The following ZNF385D variants were observed in gnomAD, a reference collection of about 807,000 sequenced individuals.
ZNF385D encodes zinc finger protein 659.
Under a neutral mutation model 35.8 loss-of-function variants are expected in ZNF385D, and 15 were observed. That is an observed-to-expected ratio of 0.42 (90% CI 0.28 to 0.64). ZNF385D has a LOEUF of 0.64. Among genes scored for constraint, ZNF385D ranks in the 30% least tolerant of loss-of-function variants. ZNF385D has a pLI of 0.23. For missense variants in ZNF385D, 474 were observed against 494.6 expected (o/e 0.96, Z 0.39); for synonymous variants, 212 against 186.8 (o/e 1.13, Z -1.10).
intron 3 of ZNF385D, among the ~76,000 whole-genome samples, chr3:21,934,663 AC>A: frequency 6.6e-6 from 1 of 152,324 alleles, no homozygotes; most frequent in Admixed American, 6.5e-5. Flanking sequence ...TGATAATGCA[AC>A]AAGAGGGACT....
chr3:21,683,638 T>G (rs1300824624), intron 1 of ZNF385D, among the ~76,000 whole-genome samples: 4 of 149,374 alleles, frequency 2.7e-5, no homozygotes, highest in African/African-American at 9.9e-5. Flanking sequence ...AGATTGTTCA[T>G]GTGGGTGTGA....
chr3:22,071,610 T>C (rs1415907170), intron 3 of ZNF385D, among the ~76,000 whole-genome samples: 1 of 152,138 alleles, frequency 6.6e-6, no homozygotes, highest in Non-Finnish European at 1.5e-5. Flanking sequence ...GAATAAAAAT[T>C]ATATGATGGG....
intron 5 of ZNF385D, among the ~76,000 whole-genome samples, chr3:21,426,092 G>A (rs1701010875): frequency 6.6e-6 from 1 of 152,136 alleles, no homozygotes; most frequent in African/African-American, 2.4e-5. Flanking sequence ...AGCTGGAGGT[G>A]ATGTGTAACA....
intron 4 of ZNF385D, among the ~76,000 whole-genome samples, chr3:21,442,672 T>A (rs1008800269): frequency 9.2e-5 from 14 of 151,666 alleles, no homozygotes; most frequent in Admixed American, 1.3e-4. Context: ...GTGGGCTTTT[T>A]TTTTTTTCTT....
At chr3:21,976,220 C>T (rs1255944376) in intron 3 of ZNF385D, among the ~76,000 whole-genome samples, 1 of 152,080 alleles carries the variant, frequency 6.6e-6, no homozygotes, top group Non-Finnish European at 1.5e-5. Context: ...ATTTCTCATT[C>T]AGAAGACTGG....
In ZNF385D at chr3:22,008,360, C is replaced by CATTTTTTTTTTTTTTTTTTTTTTTTTTTT. The variant is rs773952386; in HGVS notation, c.325+160456_325+160457insAAAAAAAAAAAAAAAAAAAAAAAAAAAAT. On this transcript the variant is annotated intron_variant, in intron 3 of 5. Coordinates refer to the ZNF385D transcript ENST00000494108. Reference sequence around the variant, plus strand: ...TCACTTTCATACAGGCCATGATTTTCTTTTTTTTTTTTGAGGCGGAGTCTC... The same window carrying CATTTTTTTTTTTTTTTTTTTTTTTTTTTT: ...TCACTTTCATACAGGCCATGATTTTCATTTTTTTTTTTTTTTTTTTTTTTTTTTTTTTTTTTTTTTTGAGGCGGAGTCTC... Among the ~76,000 whole-genome samples the CATTTTTTTTTTTTTTTTTTTTTTTTTTTT allele has an allele frequency of 1.5e-5, 2 of 131,938 alleles. 1 individual carries two copies. The allele number at this position is 131,938 out of a possible 152,430, so 86.6% of individuals were successfully genotyped here.
chr3:22,075,925 A>AT (rs1700441973), intron 3 of ZNF385D, among the ~76,000 whole-genome samples: 1 of 151,798 alleles, frequency 6.6e-6, no homozygotes, highest in Non-Finnish European at 1.5e-5. Flanking sequence ...TTGGATGTCA[A>AT]TCTCCGAATG....
chr3:21,845,915 A>G (rs1194794793), intron 3 of ZNF385D, among the ~76,000 whole-genome samples: 3 of 152,046 alleles, frequency 2.0e-5, no homozygotes, highest in African/African-American at 7.2e-5. Context: ...GAGCAAAAAT[A>G]AATTAATCTT....
At chr3:21,793,505 CCT>C (rs1319465791) in intron 3 of ZNF385D, among the ~76,000 whole-genome samples, 2 of 151,986 alleles carry the variant, frequency 1.3e-5, no homozygotes, top group South Asian at 2.1e-4. Context: ...TAACAAGATC[CCT>C]CTGTGATTTG....
chr3:22,167,365 C>G (rs1576434054), intron 3 of ZNF385D, among the ~76,000 whole-genome samples: 1 of 152,220 alleles, frequency 6.6e-6, no homozygotes, highest in African/African-American at 2.4e-5. Context: ...AAGCCCTAGA[C>G]TCAGCCATAC....
intron 2 of ZNF385D, among the ~76,000 whole-genome samples, chr3:21,569,850 T>A (rs941334845): frequency 7.3e-6 from 1 of 137,232 alleles, no homozygotes; most frequent in Non-Finnish European, 1.5e-5. Context: ...TAGATGGGAA[T>A]TGAACAATGA....
At chr3:21,987,391 T>G (rs1469369497) in intron 3 of ZNF385D, among the ~76,000 whole-genome samples, 1 of 117,314 alleles carries the variant, frequency 8.5e-6, no homozygotes, top group African/African-American at 5.1e-5. Flanking sequence ...CAGCATTTGC[T>G]TGTCTGTAAA....
chr3:21,874,343 G>T (rs1331736679), intron 3 of ZNF385D, among the ~76,000 whole-genome samples: 1 of 151,770 alleles, frequency 6.6e-6, no homozygotes, highest in Admixed American at 6.6e-5. Flanking sequence ...TTCTTAACCA[G>T]GTTATTTGTT....
At chr3:21,869,472 C>G (rs2620532) in intron 3 of ZNF385D, among the ~76,000 whole-genome samples, 37,809 of 151,984 alleles carry the variant, frequency 0.25, 4,869 homozygotes, top group Middle Eastern at 0.41. Flanking sequence ...AGAGAGTAAC[C>G]TTGATACTGT....
intron 3 of ZNF385D, among the ~76,000 whole-genome samples, chr3:21,845,356 C>G (rs1017790562): frequency 6.6e-6 from 1 of 151,986 alleles, no homozygotes; most frequent in Admixed American, 6.6e-5. Context: ...TAAACTCAGG[C>G]ATAAAAGCAC....
rs140412062 is a variant in ZNF385D, at chr3:21,795,696, G to A, written c.326-130668C>T. 5.4e-3 allele frequency among the ~76,000 whole-genome samples: 826 copies of A among 152,240 alleles called. 11 individuals are homozygous for A. Among genetic ancestry groups the A allele is most frequent in the African/African-American group, 0.019 (786 of 41,534 alleles). ...ATGTCATAGGTGCCTAACACTCAGTGAATTTGTGGGAAGAAATTCTGACTC... is the reference window on the plus strand; with the variant it reads ...ATGTCATAGGTGCCTAACACTCAGTAAATTTGTGGGAAGAAATTCTGACTC... On this transcript the variant is annotated intron_variant, in intron 3 of 5. Coordinates refer to the ZNF385D transcript ENST00000494108.
At chr3:21,503,477 G>T (rs1202297633) in intron 4 of ZNF385D, among the ~76,000 whole-genome samples, 2 of 152,070 alleles carry the variant, frequency 1.3e-5, no homozygotes, top group African/African-American at 2.4e-5. Flanking sequence ...TTTCCTAAAG[G>T]ATATTGAGGT....
chr3:21,852,973 C>T (rs930245160), intron 3 of ZNF385D, among the ~76,000 whole-genome samples: 1 of 151,816 alleles, frequency 6.6e-6, no homozygotes, highest in African/African-American at 2.4e-5. Context: ...CCACTTGTTC[C>T]CTCCACACTA....
At chr3:22,147,934 G>C (rs571579763) in intron 3 of ZNF385D, among the ~76,000 whole-genome samples, 5 of 152,180 alleles carry the variant, frequency 3.3e-5, no homozygotes, top group African/African-American at 1.2e-4. Flanking sequence ...CAGAAAAAAA[G>C]TCGATCTAAA....
Sources: allele counts gnomAD v4.1 joint callset (sites outside exome capture counted in the v4.1 genomes callset), GRCh38; gene constraint gnomAD v4.1.1; transcripts MANE v1.5; gene names NCBI Gene and HGNC (gene_info 2026-07-23, HGNC 2026-07-21).